NCAPD3: variants seen among roughly 807,000 people sequenced by gnomAD.
NCAPD3 encodes the protein condensin-2 complex subunit D3.
A neutral mutation model predicts 182.9 loss-of-function variants in NCAPD3; 105 were observed. The observed-to-expected ratio is 0.57, with a 90% CI of 0.49 to 0.68. The LOEUF is 0.68. Ranked by LOEUF, NCAPD3 falls within the 30% of genes least tolerant of loss-of-function variation. The pLI is 0.00. For missense variants in NCAPD3, 1,944 were observed against 1,837.0 expected (o/e 1.06, Z -1.07); for synonymous variants, 815 against 679.9 (o/e 1.20, Z -3.09).
chr11:134,164,503 G>C (rs1433132360), intron 27 of NCAPD3, among the ~76,000 whole-genome samples: 1 of 152,254 alleles, frequency 6.6e-6, no homozygotes, highest in Non-Finnish European at 1.5e-5. Context: ...CAGGATTCCA[G>C]GGAGAACACG....
At chr11:134,157,133 C>T in intron 31 of NCAPD3, 38 bp from the exon 32 acceptor site, 4 of 1,519,682 alleles carry the variant, frequency 2.6e-6, no homozygotes, top group African/African-American at 1.4e-5. Context: ...GAAATACCCC[C>T]AAACAATAAC....
intron 13 of NCAPD3, among the ~76,000 whole-genome samples, chr11:134,196,960 T>G (rs971584429): frequency 6.6e-6 from 1 of 152,176 alleles, no homozygotes. Context: ...TAACACCCAG[T>G]GCTGGAGGCG....
chr11:134,167,351 A>G (rs1591829172), intron 27 of NCAPD3, among the ~76,000 whole-genome samples: 5 of 51,800 alleles, frequency 9.7e-5, no homozygotes, highest in East Asian at 7.8e-4. Context: ...CACTCGTGAG[A>G]TGAGCTTGGG....
At chr11:134,193,706 T>A (rs578166443) in intron 15 of NCAPD3, among the ~76,000 whole-genome samples, 69 of 152,340 alleles carry the variant, frequency 4.5e-4, no homozygotes, top group Admixed American at 1.8e-3. Context: ...TGAGCTGAGA[T>A]TGTGCCACTG....
chr11:134,151,668 T>A lies in NCAPD3; in HGVS notation c.*1276A>T, dbSNP rs1394967733. 6.6e-6 allele frequency: 1 copy of A among 152,222 alleles called. No individual in the cohort carries two copies. The highest frequency in any genetic ancestry group is 2.4e-5 in the African/African-American group (1 of 41,450). 9.4% of individuals were successfully genotyped at this position (152,222 alleles called of 1,614,324 possible). On this transcript the variant is annotated 3_prime_UTR_variant, in exon 35 of 35. Transcript: ENST00000534548. The stretch of plus-strand genomic sequence containing the variant: ...GATTCTGCCTTTGGATGGATGTTGC[T>A]GTACACAGATGCTACAGACTTGTAC...
At chr11:134,155,980 G>A (rs1388813030) in intron 32 of NCAPD3, among the ~76,000 whole-genome samples, 1 of 152,212 alleles carries the variant, frequency 6.6e-6, no homozygotes, top group Non-Finnish European at 1.5e-5. Flanking sequence ...CAAGTAGCTA[G>A]AATACAGCAG....
chr11:134,224,767 C>T (rs575677979), upstream of NCAPD3: 27 of 152,660 alleles, frequency 1.8e-4, no homozygotes, highest in East Asian at 5.0e-3. Context: ...CGCAGGCCAC[C>T]CACACCCGGC....
chr11:134,193,156 T>G (rs1944559251), intron 15 of NCAPD3, among the ~76,000 whole-genome samples: 1 of 152,226 alleles, frequency 6.6e-6, no homozygotes, highest in South Asian at 2.1e-4. Context: ...TCAGTACTTT[T>G]TTGGTCATTA....
intron 27 of NCAPD3, among the ~76,000 whole-genome samples, chr11:134,167,164 G>A (rs1313979210): frequency 6.0e-5 from 8 of 133,308 alleles, no homozygotes; most frequent in Non-Finnish European, 1.6e-5. Flanking sequence ...CTAGTGAGGT[G>A]AGCTTGGGGG....
chr11:134,208,911 A>C lies in NCAPD3; in HGVS notation c.835T>G (p.Tyr279Asp), dbSNP rs150739265. 5 of 1,612,980 alleles carry C rather than the reference A, an allele frequency of 3.1e-6. 1 individual carries two copies. Among genetic ancestry groups the C allele is most frequent in the Middle Eastern group, 3.3e-4 (2 of 6,046 alleles). Residue 279 changes from tyrosine to aspartate, a missense_variant, in exon 7 of 35, where the codon TAT becomes GAT. Transcript: ENST00000534548. ...GGAGAGCACAGCAAATACAATCCAT[A>C]ATAAGCCAGTTCTGGTATGTATTTT... is the stretch of plus-strand genomic sequence containing the variant. ...QAKYIPELAY[Y>D]GLYLLCSPIH...
chr11:134,223,718 G>C, intron 1 of NCAPD3, 145 bp downstream of exon 1: 1 of 929,896 alleles, frequency 1.1e-6, no homozygotes, highest in East Asian at 2.6e-5. Context: ...TCCTGGCGTG[G>C]CACGGCCCTG....
intron 19 of NCAPD3, among the ~76,000 whole-genome samples, chr11:134,182,642 C>G (rs2135982702): frequency 6.6e-6 from 1 of 152,316 alleles, no homozygotes; most frequent in South Asian, 2.1e-4. Context: ...ATCACTGCTC[C>G]TCTTGTTCTA....
At chr11:134,165,281 T>C (rs1326295381) in intron 27 of NCAPD3, among the ~76,000 whole-genome samples, 1 of 147,796 alleles carries the variant, frequency 6.8e-6, no homozygotes, top group Non-Finnish European at 1.5e-5. Flanking sequence ...GCACACTCGC[T>C]TGTGAGATGA....
chr11:134,156,447 T>C (rs1943420981), intron 32 of NCAPD3, among the ~76,000 whole-genome samples: 4 of 152,090 alleles, frequency 2.6e-5, no homozygotes, highest in Admixed American at 2.0e-4. Flanking sequence ...TTTGACACAA[T>C]ATGAAGCTAT....
intron 22 of NCAPD3, chr11:134,178,133 G>C (rs997257564): frequency 6.6e-6 from 1 of 152,268 alleles, no homozygotes; most frequent in African/African-American, 2.4e-5. Context: ...AAAATAATTT[G>C]AGTTCATGGA....
intron 13 of NCAPD3, among the ~76,000 whole-genome samples, chr11:134,196,725 C>T (rs113859769): frequency 1.3e-5 from 2 of 150,926 alleles, no homozygotes; most frequent in African/African-American, 2.4e-5. Context: ...CACACACATA[C>T]ACACACACCC....
chr11:134,189,182 T>C (rs1357942505), intron 16 of NCAPD3, among the ~76,000 whole-genome samples: 2 of 152,262 alleles, frequency 1.3e-5, no homozygotes, highest in African/African-American at 4.8e-5. Context: ...TTTGTAGTTG[T>C]ATCACCCATT....
intron 20 of NCAPD3, among the ~76,000 whole-genome samples, chr11:134,180,794 C>T (rs765160326): frequency 9.9e-5 from 15 of 152,146 alleles, no homozygotes; most frequent in Non-Finnish European, 2.2e-4. Context: ...ACTATACCAA[C>T]CTTACAACAC....
chr11:134,206,949 T>C (rs1341745560), intron 7 of NCAPD3, among the ~76,000 whole-genome samples: 3 of 152,182 alleles, frequency 2.0e-5, no homozygotes, highest in African/African-American at 7.2e-5. Context: ...TGACAGATGA[T>C]ATGTCTGATA....
Sources: allele counts gnomAD v4.1 joint callset (sites outside exome capture counted in the v4.1 genomes callset), GRCh38; gene constraint gnomAD v4.1.1; transcripts MANE v1.5; gene names NCBI Gene and HGNC (gene_info 2026-07-23, HGNC 2026-07-21).